Variants in SLX4IP observed in about 807,000 individuals in gnomAD.
SLX4IP encodes the protein SLX4 interacting protein, also known as protein SLX4IP.
SLX4IP carries 34 observed loss-of-function variants against 32.9 expected under a neutral mutation model. The observed-to-expected ratio is 1.03, with a 90% CI of 0.79 to 1.38. The LOEUF is 1.38. Ranked by LOEUF, SLX4IP falls within the 40% of genes most tolerant of loss-of-function variation. The pLI, the probability that SLX4IP is intolerant of heterozygous loss-of-function variation, is 0.00. For missense variants in SLX4IP, 444 were observed against 479.0 expected, an observed-to-expected ratio of 0.93 and a Z score of 0.68; for synonymous variants, 172 against 171.7, an observed-to-expected ratio of 1.00 and a Z score of -0.01.
At chr20:10,475,769 C>A (rs925214992) in intron 2 of SLX4IP, among the ~76,000 whole-genome samples, 3 of 152,196 alleles carry the variant, frequency 2.0e-5, no homozygotes, top group Non-Finnish European at 4.4e-5. Context: ...GATTGTGGCA[C>A]GGGGCAGTGT....
At chr20:10,493,694 T>G (rs2065644191) in intron 2 of SLX4IP, among the ~76,000 whole-genome samples, 1 of 152,122 alleles carries the variant, frequency 6.6e-6, no homozygotes, top group African/African-American at 2.4e-5. Flanking sequence ...GTGCCTGACT[T>G]TAATGGAAAT....
Position 10,454,665 on chromosome 20 carries a change from T to C in SLX4IP, c.-29-3511T>C, listed in dbSNP as rs1000652247. 2.0e-5 allele frequency among the ~76,000 whole-genome samples: 3 copies of C among 152,258 alleles called. No individual in the cohort carries two copies. The South Asian group carries it at 6.2e-4, about 31-fold the overall frequency. Reference sequence around the variant, plus strand: ...ATCTGTTCATTAGTTGATGGACATTTGGGTTGTTTCCATTTTTTGACTATT... The same window carrying C: ...ATCTGTTCATTAGTTGATGGACATTCGGGTTGTTTCCATTTTTTGACTATT... On this transcript the variant is annotated intron_variant, in intron 1 of 7. Transcript: ENST00000334534.
chr20:10,577,994 A>C (rs1242220751), intron 4 of SLX4IP, among the ~76,000 whole-genome samples: 4 of 152,218 alleles, frequency 2.6e-5, no homozygotes, highest in Non-Finnish European at 5.9e-5. Flanking sequence ...CTAACTATTT[A>C]GTTGAGAGAT....
rs554647955 is a variant in SLX4IP, at chr20:10,589,993, A to G, written c.239-8682A>G. Among the ~76,000 whole-genome samples the G allele has an allele frequency of 2.0e-5, 3 of 151,998 alleles. No homozygotes were observed. The South Asian group carries it at 6.2e-4, about 32-fold the overall frequency. On this transcript the variant is annotated intron_variant, in intron 4 of 7. Transcript: ENST00000334534. ...ATTCTTTTAGATTAAATTTAGCATT[A>G]TTTTTCGCAGCTTCCAAACTGCCTC...
intron 2 of SLX4IP, among the ~76,000 whole-genome samples, chr20:10,552,846 G>T (rs1435760030): frequency 1.5e-5 from 2 of 132,002 alleles, no homozygotes; most frequent in Admixed American, 1.7e-4. Context: ...TTTTTTTAAA[G>T]AATTAGTTTT....
intron 1 of SLX4IP, among the ~76,000 whole-genome samples, chr20:10,447,512 T>A (rs544800649): frequency 2.0e-4 from 30 of 152,174 alleles, no homozygotes; most frequent in African/African-American, 7.2e-4. Flanking sequence ...GTTTAAATGA[T>A]ATTTTAAGTT....
At chr20:10,538,469 C>T (rs758849425) in intron 2 of SLX4IP, among the ~76,000 whole-genome samples, 1 of 151,990 alleles carries the variant, frequency 6.6e-6, no homozygotes, top group Non-Finnish European at 1.5e-5. Context: ...GGAGCAAAAT[C>T]ACCTCTTGAT....
rs557395806 is a variant in SLX4IP, at chr20:10,612,375, G to A, written c.406-8939G>A. The stretch of plus-strand genomic sequence containing the variant: ...CTCCACTCCGTTTCACCTCTGTGCT[G>A]GGACTCGTGTGCCAGGAGCCTCAGC... On this transcript the variant is annotated intron_variant, in intron 6 of 7. Coordinates refer to ENST00000334534, the MANE Select transcript of SLX4IP (RefSeq NM_001009608.3). Among the ~76,000 whole-genome samples, 81 of 152,274 alleles carry A rather than the reference G, an allele frequency of 5.3e-4. 1 individual carries two copies. The South Asian group carries it at 0.011, about 21-fold the overall frequency.
rs138212902 is a variant in SLX4IP, at chr20:10,478,312, G to A, written c.27+20081G>A. ...CATGTGTTTCCTATTTAGTTCAGTA[G>A]GTGTTTTTCCTGTTTAGTTCTCACA... is the stretch of plus-strand genomic sequence containing the variant. On this transcript the variant is annotated intron_variant, in intron 2 of 7. Coordinates refer to ENST00000334534, the MANE Select transcript of SLX4IP (RefSeq NM_001009608.3). 9.6e-3 allele frequency among the ~76,000 whole-genome samples: 1,456 copies of A among 152,274 alleles called. 27 individuals are homozygous for A. The highest frequency in any genetic ancestry group is 0.033 in the African/African-American group (1,379 of 41,544).
intron 2 of SLX4IP, among the ~76,000 whole-genome samples, chr20:10,473,243 A>G (rs1221149266): frequency 2.0e-5 from 3 of 152,214 alleles, no homozygotes; most frequent in African/African-American, 7.2e-5. Flanking sequence ...CTCACAGGCT[A>G]AATGGTTGAA....
chr20:10,606,825 G>A (rs1390011763), intron 6 of SLX4IP, among the ~76,000 whole-genome samples: 5 of 151,966 alleles, frequency 3.3e-5, no homozygotes, highest in African/African-American at 1.2e-4. Context: ...TCAGTTATGT[G>A]TTTCTGTCCA....
rs77219815 is a variant in SLX4IP, at chr20:10,440,805, A to G, written c.-30+5352A>G. On this transcript the variant is annotated intron_variant, in intron 1 of 7. Coordinates refer to ENST00000334534, the MANE Select transcript of SLX4IP (RefSeq NM_001009608.3). ...GTGACTGGAAAACATTAGTTATCAG[A>G]GTTCTTGGGTTACAAAGTGGATTGA... Among the ~76,000 whole-genome samples the G allele has an allele frequency of 8.8e-3, 1,336 of 152,234 alleles. 24 individuals carry two copies. Among genetic ancestry groups the G allele is most frequent in the African/African-American group, 0.031 (1,283 of 41,534 alleles).
chr20:10,480,853 G>C (rs1365183283), intron 2 of SLX4IP, among the ~76,000 whole-genome samples: 2 of 152,244 alleles, frequency 1.3e-5, no homozygotes, highest in Middle Eastern at 3.4e-3. Context: ...GCTTTAGCTG[G>C]GTGTAGTAGT....
intron 4 of SLX4IP, among the ~76,000 whole-genome samples, chr20:10,569,197 T>A (rs112145853): frequency 0.025 from 3,787 of 149,648 alleles, 95 homozygotes; most frequent in Admixed American, 0.087. Context: ...TTTTTTTTTT[T>A]AATTTGAGAC....
chr20:10,550,380 C>T (rs865810707), intron 2 of SLX4IP, among the ~76,000 whole-genome samples: 1 of 152,172 alleles, frequency 6.6e-6, no homozygotes, highest in Non-Finnish European at 1.5e-5. Flanking sequence ...ACCCAGTGGG[C>T]GTGGTAGAAA....
intron 6 of SLX4IP, chr20:10,613,610 G>A: frequency 3.7e-6 from 6 of 1,613,412 alleles, no homozygotes; most frequent in Non-Finnish European, 5.1e-6. Flanking sequence ...ACTCCTTTCT[G>A]CTCATTTCTG....
At chr20:10,477,241 G>A (rs759784361) in intron 2 of SLX4IP, among the ~76,000 whole-genome samples, 1 of 151,984 alleles carries the variant, frequency 6.6e-6, no homozygotes, top group African/African-American at 2.4e-5. Context: ...CCGCCTCCTG[G>A]GTTCAAGTGA....
intron 1 of SLX4IP, among the ~76,000 whole-genome samples, chr20:10,456,960 A>G (rs1178888204): frequency 2.6e-5 from 4 of 152,138 alleles, no homozygotes; most frequent in African/African-American, 9.7e-5. Flanking sequence ...GCTTATTCCT[A>G]AGTATTCTTT....
intron 1 of SLX4IP, among the ~76,000 whole-genome samples, chr20:10,446,179 T>C (rs2065201238): frequency 6.6e-6 from 1 of 151,708 alleles, no homozygotes; most frequent in Non-Finnish European, 1.5e-5. Flanking sequence ...TTTGGGAGGC[T>C]GAGGTGGGTG....
Sources: allele counts gnomAD v4.1 joint callset (sites outside exome capture counted in the v4.1 genomes callset), GRCh38; gene constraint gnomAD v4.1.1; transcripts MANE v1.5; gene names NCBI Gene and HGNC (gene_info 2026-07-23, HGNC 2026-07-21).